Variants in ALOXE3 observed in about 807,000 individuals in gnomAD.
ALOXE3 encodes the protein hydroperoxide isomerase ALOXE3.
In ALOXE3, 78 loss-of-function variants were observed where a neutral mutation model predicts 87.5. The ratio of observed to expected loss-of-function variants is 0.89; its 90% CI spans 0.74 to 1.08. The LOEUF (loss-of-function observed/expected upper bound fraction) is 1.08. Among genes scored for constraint, ALOXE3 ranks in the 50% least tolerant of loss-of-function variants. The pLI is 0.00. For missense variants in ALOXE3, 946 were observed against 912.4 expected (o/e 1.04, Z -0.47); for synonymous variants, 363 against 370.8 (o/e 0.98, Z 0.24).
At chr17:8,116,298 T>C (rs533806333) in intron 3 of ALOXE3, among the ~76,000 whole-genome samples, 1 of 152,232 alleles carries the variant, frequency 6.6e-6, no homozygotes, top group Admixed American at 6.5e-5. Flanking sequence ...CCCCAGAAAT[T>C]CAACAAGGAA....
chr17:8,098,192 C>T (rs927595945), intron 15 of ALOXE3, among the ~76,000 whole-genome samples: 3 of 150,494 alleles, frequency 2.0e-5, no homozygotes, highest in African/African-American at 7.3e-5. Flanking sequence ...TCTATGGTCT[C>T]ACCATAAATA....
rs754304050 is a variant in ALOXE3, at chr17:8,110,080, G to C, written c.1305+12C>G. The C allele has an allele frequency of 1.0e-4, 162 of 1,608,052 alleles. 1 individual carries two copies. In the African/African-American group the frequency reaches 1.7e-3, roughly 17 times the overall value. ...CCCCTGCCCCGCTGGGCCCCCACCC[G>C]GGGTCGCGGACCTTGTAGATGGGGT... On this transcript the variant is annotated intron_variant, in intron 10 of 15. Transcript: ENST00000448843.
intron 3 of ALOXE3, 135 bp from the exon 4 acceptor site, chr17:8,115,823 C>T (rs1348968582): frequency 4.9e-6 from 4 of 818,958 alleles, no homozygotes; most frequent in Admixed American, 2.0e-5. Context: ...GGTGCCCCCA[C>T]GTTCTTTGTG....
At chr17:8,112,537 G>A (rs1212142895) in intron 6 of ALOXE3, among the ~76,000 whole-genome samples, 2 of 152,150 alleles carry the variant, frequency 1.3e-5, no homozygotes, top group African/African-American at 2.4e-5. Context: ...TCTGCCTACA[G>A]GACAGAGCCC....
chr17:8,108,458 G>T lies in ALOXE3; in HGVS notation c.1684+10C>A, dbSNP rs770416390. The T allele has an allele frequency of 1.9e-6, 3 of 1,612,114 alleles. No individual in the cohort carries two copies. The highest frequency in any genetic ancestry group is 2.7e-5 in the African/African-American group (2 of 74,896). On this transcript the variant is annotated intron_variant, in intron 13 of 15. Coordinates refer to ENST00000448843, the MANE Select transcript of ALOXE3 (RefSeq NM_021628.3). ...AGAGCTACACGGAAAGTGGGATAGA[G>T]AGGGGATACCTGAGCTTTCCCGGCC...
chr17:8,111,308 T>C (rs779227415), intron 8 of ALOXE3, 51 bp downstream of exon 8: 3 of 1,606,874 alleles, frequency 1.9e-6, no homozygotes, highest in East Asian at 2.2e-5. Flanking sequence ...TCCATAATGG[T>C]GACACACCCA....
chr17:8,108,893 C>T (rs931917969), intron 12 of ALOXE3, among the ~76,000 whole-genome samples: 5 of 152,132 alleles, frequency 3.3e-5, no homozygotes, highest in African/African-American at 1.2e-4. Context: ...ACCTGCCTGC[C>T]ACAGGCCCCA....
At chr17:8,116,177 C>T (rs930361575) in intron 3 of ALOXE3, among the ~76,000 whole-genome samples, 7 of 152,162 alleles carry the variant, frequency 4.6e-5, no homozygotes, top group Non-Finnish European at 1.0e-4. Flanking sequence ...CCTAGAATAT[C>T]CCTCCTTCAT....
intron 6 of ALOXE3, among the ~76,000 whole-genome samples, chr17:8,112,440 C>A (rs201579535): frequency 6.6e-6 from 1 of 152,158 alleles, no homozygotes; most frequent in Non-Finnish European, 1.5e-5. Flanking sequence ...CACACACGGC[C>A]CTATGGTGCA....
chr17:8,114,535 A>C lies in ALOXE3; in HGVS notation c.629T>G (p.Val210Gly), dbSNP rs764861721. 2 of 1,614,040 alleles carry C rather than the reference A, an allele frequency of 1.2e-6. No homozygotes were observed. The highest frequency in any genetic ancestry group is 2.2e-5 in the South Asian group (2 of 91,064). Reference protein sequence around the residue: ...IPSLMYMEPNVRYSATKTISL... With the variant: ...IPSLMYMEPNGRYSATKTISL... Reference sequence around the variant, plus strand: ...GATCGTCTTGGTGGCTGAGTATCGAACATTGGGCTCCATGTACATCAGGGA... The same window carrying C: ...GATCGTCTTGGTGGCTGAGTATCGACCATTGGGCTCCATGTACATCAGGGA... The change falls in exon 6 of 16, where the codon GTT (valine) becomes GGT (glycine). Residue 210 changes from valine (V) to glycine (G), a missense_variant. By Grantham distance (109) the Val-to-Gly change is moderately radical. Coordinates refer to ENST00000448843, the MANE Select transcript of ALOXE3 (RefSeq NM_021628.3).
At chr17:8,111,805 T>C (rs1335859013) in intron 7 of ALOXE3, among the ~76,000 whole-genome samples, 2 of 148,560 alleles carry the variant, frequency 1.3e-5, no homozygotes, top group Non-Finnish European at 2.9e-5. Context: ...AAGAGAGTCG[T>C]GTGTCCCTGA....
Position 8,110,280 on chromosome 17 carries a change from C to CG in ALOXE3, c.1116dup (p.Gly373ArgfsTer3), listed in dbSNP as rs1598209705. The CG allele has an allele frequency of 6.2e-7, 1 of 1,613,970 alleles. No homozygotes were observed. The highest frequency in any genetic ancestry group is 8.5e-7 in the Non-Finnish European group (1 of 1,179,872). On this transcript the variant is annotated frameshift_variant, in exon 10 of 16. Coordinates refer to ENST00000448843, the MANE Select transcript of ALOXE3 (RefSeq NM_021628.3). LOFTEE classifies it high-confidence loss of function. ...GGCAGGAAGATGGGGCTGTCAGGCC[C>CG]GGGGGTCTGGCTGAGCTGCGTCCGA... is the stretch of plus-strand genomic sequence containing the variant.
chr17:8,106,634 C>T (rs903383788), intron 13 of ALOXE3, among the ~76,000 whole-genome samples: 3 of 152,082 alleles, frequency 2.0e-5, no homozygotes, highest in Non-Finnish European at 2.9e-5. Context: ...GGAACCTGAC[C>T]GAAATGGTGA....
chr17:8,102,439 G>A (rs1333898713), intron 15 of ALOXE3, among the ~76,000 whole-genome samples: 1 of 152,140 alleles, frequency 6.6e-6, no homozygotes, highest in African/African-American at 2.4e-5. Context: ...GTTGCAGTGA[G>A]CTGATATCGC....
Position 8,116,997 on chromosome 17 carries a change from A to C in ALOXE3, c.148-17T>G. On this transcript the variant is annotated splice_polypyrimidine_tract_variant and intron_variant, in intron 2 of 15. Transcript: ENST00000448843. Reference sequence around the variant, plus strand: ...CTTCTGTACCTGAGGGGACCAAGACAGCAAGCAGGTGAGAGGCGGGGAACT... The same window carrying C: ...CTTCTGTACCTGAGGGGACCAAGACCGCAAGCAGGTGAGAGGCGGGGAACT... 1 of 1,611,506 alleles carries C rather than the reference A, an allele frequency of 6.2e-7. No individual in the cohort carries two copies. Among genetic ancestry groups the C allele is most frequent in the Non-Finnish European group, 8.5e-7 (1 of 1,178,670 alleles).
chr17:8,115,128 C>T (rs563772939), intron 4 of ALOXE3, 71 bp from the exon 5 acceptor site: 76 of 1,591,012 alleles, frequency 4.8e-5, no homozygotes, highest in East Asian at 9.0e-5. Context: ...TTTAAAGACA[C>T]GGCTTCAGAT....
At chr17:8,118,653 C>A, upstream of ALOXE3, 1 of 1,537,274 alleles carries the variant, frequency 6.5e-7, no homozygotes, top group Middle Eastern at 1.7e-4. Flanking sequence ...ACCGATCCCC[C>A]CACGCATGGC....
rs1436339688 is a variant in ALOXE3 at position 8,110,521 on chromosome 17, T to C, written c.965A>G (p.Asn322Ser). The C allele has an allele frequency of 2.5e-6, 4 of 1,613,740 alleles. No individual in the cohort carries two copies. The highest frequency in any genetic ancestry group is 1.7e-5 in the Admixed American group (1 of 59,984). ...TCLQTELERG[N>S]IFLADYWILA... ...GATCCAGTAGTCCGCTAGGAAGATG[T>C]TCCCCCTCTGCAGAAGGCACACAGA... Residue 322 changes from asparagine to serine, a missense_variant, in exon 9 of 16, where the codon AAC becomes AGC. Asn to Ser is a conservative substitution (Grantham distance 46). Transcript: ENST00000448843.
At position 8,096,408 on chromosome 17, in the gene ALOXE3, C is replaced by G; in HGVS notation, c.*219G>C. On this transcript the variant is annotated 3_prime_UTR_variant, in exon 16 of 16. Coordinates refer to ENST00000448843, the MANE Select transcript of ALOXE3 (RefSeq NM_021628.3). ...GGGCTATTGTGCATTGGACTTTGGT[C>G]AGCGGCTTTTAACCTGGACGCTGCT... 2 of 576,434 alleles carry G rather than the reference C, an allele frequency of 3.5e-6. No homozygotes were observed. Among genetic ancestry groups the G allele is most frequent in the South Asian group, 4.2e-5 (2 of 47,844 alleles). The allele number at this position is 576,434 out of a possible 1,614,324, so 35.7% of individuals were successfully genotyped here. A position where few individuals can be genotyped will look rare whatever the true frequency, so the allele number is the denominator to read the frequency against.
Sources: allele counts gnomAD v4.1 joint callset (sites outside exome capture counted in the v4.1 genomes callset), GRCh38; gene constraint gnomAD v4.1.1; transcripts MANE v1.5; gene names NCBI Gene and HGNC (gene_info 2026-07-23, HGNC 2026-07-21).